MYO3B: variants seen among roughly 807,000 people sequenced by gnomAD.
MYO3B encodes myosin-IIIb.
Under a neutral mutation model 174.6 loss-of-function variants are expected in MYO3B, and 156 were observed. The ratio of observed to expected loss-of-function variants is 0.89; its 90% CI spans 0.78 to 1.02. The LOEUF is 1.02. Among genes scored for constraint, MYO3B ranks in the 50% least tolerant of loss-of-function variants. MYO3B has a pLI of 0.00. For missense variants in MYO3B, 1,632 were observed against 1,639.4 expected (o/e 1.00, Z 0.08); for synonymous variants, 563 against 569.1 (o/e 0.99, Z 0.15).
chr2:170,617,869 AAC>A, intron 32 of MYO3B, among the ~76,000 whole-genome samples: 2 of 152,354 alleles, frequency 1.3e-5, no homozygotes, highest in Middle Eastern at 6.8e-3. Flanking sequence ...CTTCTGAGCT[AAC>A]ACAGTCTTTC....
intron 23 of MYO3B, among the ~76,000 whole-genome samples, chr2:170,457,928 T>C (rs528556924): frequency 1.8e-4 from 27 of 152,164 alleles, no homozygotes; most frequent in Admixed American, 7.2e-4. Flanking sequence ...CTAAGTTTTA[T>C]ATTTAGGTAG....
At chr2:170,288,799 C>A (rs1457107697) in intron 7 of MYO3B, among the ~76,000 whole-genome samples, 1 of 151,860 alleles carries the variant, frequency 6.6e-6, no homozygotes, top group African/African-American at 2.4e-5. Flanking sequence ...TGTTCCATTC[C>A]TTAGAGGAAA....
At chr2:170,583,989 T>C (rs967209422) in intron 32 of MYO3B, among the ~76,000 whole-genome samples, 4 of 152,262 alleles carry the variant, frequency 2.6e-5, no homozygotes, top group Admixed American at 6.5e-5. Context: ...GCTGTATATT[T>C]CTCCTCTCCT....
At chr2:170,521,404 C>G (rs1470188594) in intron 30 of MYO3B, among the ~76,000 whole-genome samples, 1 of 152,200 alleles carries the variant, frequency 6.6e-6, no homozygotes, top group South Asian at 2.1e-4. Flanking sequence ...ACTGTTTGAC[C>G]TTGGGCAAGT....
At chr2:170,357,509 A>G (rs956329113) in intron 8 of MYO3B, among the ~76,000 whole-genome samples, 2 of 151,800 alleles carry the variant, frequency 1.3e-5, no homozygotes, top group Non-Finnish European at 2.9e-5. Flanking sequence ...TCTAATTCCT[A>G]TTAGATTCCA....
chr2:170,316,742 T>C (rs1416423200), intron 7 of MYO3B, among the ~76,000 whole-genome samples: 3 of 152,252 alleles, frequency 2.0e-5, no homozygotes, highest in African/African-American at 7.2e-5. Flanking sequence ...TCGATAGTTA[T>C]GGTCACATTC....
chr2:170,430,354 A>G (rs973417992), intron 22 of MYO3B, among the ~76,000 whole-genome samples: 1 of 148,918 alleles, frequency 6.7e-6, no homozygotes, highest in Non-Finnish European at 1.5e-5. Flanking sequence ...CATTCCATAA[A>G]AATTTTTTTT....
At chr2:170,553,183 C>T (rs568626158) in intron 32 of MYO3B, among the ~76,000 whole-genome samples, 6 of 152,244 alleles carry the variant, frequency 3.9e-5, no homozygotes, top group Non-Finnish European at 7.4e-5. Flanking sequence ...GGAGTACTGC[C>T]TAGTGGAGCT....
intron 7 of MYO3B, among the ~76,000 whole-genome samples, chr2:170,332,824 A>T (rs2093921268): frequency 6.6e-6 from 1 of 152,204 alleles, no homozygotes; most frequent in African/African-American, 2.4e-5. Context: ...CTGCTGAGAA[A>T]GAGACTGAAA....
At chr2:170,634,196 C>A (rs537322124) in intron 32 of MYO3B, among the ~76,000 whole-genome samples, 1 of 152,290 alleles carries the variant, frequency 6.6e-6, no homozygotes, top group African/African-American at 2.4e-5. Context: ...CTGGAAGAAT[C>A]ACGCTACCGG....
At chr2:170,514,777 G>A in intron 28 of MYO3B, 144 bp from the exon 29 acceptor site, 2 of 618,740 alleles carry the variant, frequency 3.2e-6, no homozygotes, top group East Asian at 2.8e-5. Flanking sequence ...TAAGCACCAA[G>A]TTCATAAGTG....
At chr2:170,451,586 C>T (rs1683597117) in intron 23 of MYO3B, among the ~76,000 whole-genome samples, 1 of 152,178 alleles carries the variant, frequency 6.6e-6, no homozygotes, top group African/African-American at 2.4e-5. Flanking sequence ...GTCACATGAA[C>T]AAAAACTTAA....
At chr2:170,509,466 T>C (rs1344942) in intron 28 of MYO3B, among the ~76,000 whole-genome samples, 117,730 of 152,212 alleles carry the variant, frequency 0.77, 45,718 homozygotes, top group South Asian at 0.83. Flanking sequence ...GTAAAATCTT[T>C]GTAAAAAGAA....
intron 32 of MYO3B, among the ~76,000 whole-genome samples, chr2:170,554,525 G>A (rs553841441): frequency 6.6e-6 from 1 of 152,282 alleles, no homozygotes; most frequent in South Asian, 2.1e-4. Context: ...CACATGCCAG[G>A]CCACCATTCC....
intron 32 of MYO3B, among the ~76,000 whole-genome samples, chr2:170,561,760 A>G (rs1691726205): frequency 6.6e-6 from 1 of 152,226 alleles, no homozygotes; most frequent in Admixed American, 6.5e-5. Context: ...TTTGGGGGAT[A>G]TGTCTCTATA....
intron 30 of MYO3B, among the ~76,000 whole-genome samples, chr2:170,527,551 C>T (rs1030920777): frequency 3.3e-5 from 5 of 152,200 alleles, no homozygotes; most frequent in Admixed American, 6.5e-5. Flanking sequence ...CCTACTTAAC[C>T]GCCTGCCTAA....
intron 30 of MYO3B, among the ~76,000 whole-genome samples, chr2:170,539,779 C>T (rs536447471): frequency 6.6e-6 from 1 of 151,838 alleles, no homozygotes; most frequent in Non-Finnish European, 1.5e-5. Context: ...ATCACTATGG[C>T]CCGGCTAGTT....
intron 7 of MYO3B, among the ~76,000 whole-genome samples, chr2:170,285,347 C>T (rs2093547189): frequency 6.7e-6 from 1 of 149,046 alleles, no homozygotes; most frequent in South Asian, 2.2e-4. Flanking sequence ...TTATGTGTTG[C>T]AAATATCTTC....
chr2:170,229,593 A>G (rs1345835736), intron 6 of MYO3B, among the ~76,000 whole-genome samples: 1 of 152,240 alleles, frequency 6.6e-6, no homozygotes, highest in East Asian at 1.9e-4. Flanking sequence ...AAATACTATA[A>G]TACTATTTGC....
Sources: allele counts gnomAD v4.1 joint callset (sites outside exome capture counted in the v4.1 genomes callset), GRCh38; gene constraint gnomAD v4.1.1; transcripts MANE v1.5; gene names NCBI Gene and HGNC (gene_info 2026-07-23, HGNC 2026-07-21).